PIK3R1: variants seen among roughly 807,000 people sequenced by gnomAD.
PIK3R1 encodes phosphoinositide-3-kinase regulatory subunit 1, also known as phosphatidylinositol 3-kinase regulatory subunit alpha.
PIK3R1 carries 29 observed loss-of-function variants against 98.0 expected under a neutral mutation model. The ratio of observed to expected loss-of-function variants is 0.30; its 90% CI spans 0.22 to 0.40. PIK3R1 has a LOEUF of 0.40. Ranked by LOEUF, PIK3R1 falls within the 10% of genes least tolerant of loss-of-function variation. The probability of loss-of-function intolerance (pLI) is 1.00; values close to 1 mark genes in which losing one functional copy is unlikely to be tolerated. For synonymous variants in PIK3R1, 282 were observed against 311.8 expected (o/e 0.90, Z 1.01); for missense variants, 596 against 872.7 (o/e 0.68, Z 3.99).
chr5:68,221,488 G>A (rs1431073618), intron 1 of PIK3R1, among the ~76,000 whole-genome samples: 6 of 152,164 alleles, frequency 3.9e-5, no homozygotes, highest in Admixed American at 1.3e-4. Flanking sequence ...GACCCATTTC[G>A]TGCTGCCATC....
At chr5:68,250,655 T>G (rs1339506947) in intron 2 of PIK3R1, among the ~76,000 whole-genome samples, 2 of 152,162 alleles carry the variant, frequency 1.3e-5, no homozygotes, top group Non-Finnish European at 2.9e-5. Flanking sequence ...TTTATAAAGC[T>G]TTTTTGGGGA....
Position 68,262,899 on chromosome 5 carries a change from A to G in PIK3R1, c.335-10491A>G, listed in dbSNP as rs868083726. Among the ~76,000 whole-genome samples, 50 of 110,320 alleles carry G rather than the reference A, an allele frequency of 4.5e-4. 1 individual carries two copies. The East Asian group carries it at 8.6e-3, about 19-fold the overall frequency. The allele number at this position is 110,320 out of a possible 152,430, so 72.4% of individuals were successfully genotyped here. A position where few individuals can be genotyped will look rare whatever the true frequency, so the allele number is the denominator to read the frequency against. Reference sequence around the variant, plus strand: ...GATACATGTAGATACATGTATACATATATACATGTAGATACATGTAGATAC... The same window carrying G: ...GATACATGTAGATACATGTATACATGTATACATGTAGATACATGTAGATAC... On this transcript the variant is annotated intron_variant, in intron 2 of 15. Transcript: ENST00000521381.
chr5:68,292,672 C>CT, intron 8 of PIK3R1: 1 of 1,299,584 alleles, frequency 7.7e-7, no homozygotes, highest in Non-Finnish European at 9.8e-7. Context: ...GAATTCTTGC[C>CT]TTAAACACAA....
chr5:68,274,659 G>T (rs1357935058), intron 4 of PIK3R1, among the ~76,000 whole-genome samples: 1 of 152,204 alleles, frequency 6.6e-6, no homozygotes, highest in Non-Finnish European at 1.5e-5. Flanking sequence ...TAACCAACAT[G>T]ATGTCACTGG....
chr5:68,254,811 A>G (rs906313989), intron 2 of PIK3R1, among the ~76,000 whole-genome samples: 1 of 149,480 alleles, frequency 6.7e-6, no homozygotes, highest in Non-Finnish European at 1.5e-5. Flanking sequence ...AGTAGATTGC[A>G]TCAGTACAGT....
rs1236836301 is a variant in PIK3R1, at chr5:68,293,499, T to C, written c.1299+16T>C. On this transcript the variant is annotated intron_variant, in intron 10 of 15. Coordinates refer to ENST00000521381, the MANE Select transcript of PIK3R1 (RefSeq NM_181523.3). Reference sequence around the variant, plus strand: ...ATACCAACAGGTAATAAAAACTGAATGAATTATCCAGTTACGATGTTTAGA... The same window carrying C: ...ATACCAACAGGTAATAAAAACTGAACGAATTATCCAGTTACGATGTTTAGA... 6.4e-7 allele frequency: 1 copy of C among 1,573,092 alleles called. No homozygotes were observed. The highest frequency in any genetic ancestry group is 1.4e-5 in the African/African-American group (1 of 73,854).
chr5:68,297,271 C>T (rs532847102), intron 15 of PIK3R1, 141 bp from the exon 16 acceptor site: 1 of 637,744 alleles, frequency 1.6e-6, no homozygotes, highest in Non-Finnish European at 2.7e-6. Context: ...ACCCAAGGCA[C>T]TCGGCCAGGT....
Position 68,226,639 on chromosome 5 carries a change from C to A in PIK3R1, c.-37C>A. On this transcript the variant is annotated 5_prime_UTR_variant, in exon 2 of 16. Transcript: ENST00000521381. ...CGTAAAATCAGACTGCTCTGTACAA[C>A]CAGGCTCAACTGTTGCATGGTAGCA... 6.5e-7 allele frequency: 1 copy of A among 1,540,980 alleles called. No homozygotes were observed. The highest frequency in any genetic ancestry group is 8.9e-7 in the Non-Finnish European group (1 of 1,117,812).
At chr5:68,264,052 A>G (rs902982062) in intron 2 of PIK3R1, among the ~76,000 whole-genome samples, 2 of 152,214 alleles carry the variant, frequency 1.3e-5, no homozygotes, top group Admixed American at 6.5e-5. Flanking sequence ...GCTAAAAGTG[A>G]TAAGTTAGCC....
Position 68,295,500 on chromosome 5 carries a change from C to G in PIK3R1, c.1814+12C>G, listed in dbSNP as rs1747664039. The stretch of plus-strand genomic sequence containing the variant: ...GAAAACACTGAAGAGTAAGTAGTTA[C>G]TAAAGATGGTGATAGCAGAAGATTT... On this transcript the variant is annotated intron_variant, in intron 14 of 15. Coordinates refer to ENST00000521381, the MANE Select transcript of PIK3R1 (RefSeq NM_181523.3). 2 of 1,609,162 alleles carry G rather than the reference C, an allele frequency of 1.2e-6. No homozygotes were observed. The highest frequency in any genetic ancestry group is 2.7e-5 in the African/African-American group (2 of 74,922).
chr5:68,283,526 T>A (rs571434181), intron 7 of PIK3R1, among the ~76,000 whole-genome samples: 2 of 152,162 alleles, frequency 1.3e-5, no homozygotes, highest in Non-Finnish European at 2.9e-5. Context: ...ACAATTTGAA[T>A]AGGCAAAGGA....
intron 1 of PIK3R1, among the ~76,000 whole-genome samples, chr5:68,223,990 A>G (rs1388558873): frequency 6.6e-6 from 1 of 152,196 alleles, no homozygotes; most frequent in Non-Finnish European, 1.5e-5. Flanking sequence ...GGTGGCTGGA[A>G]TAAAGGAAGT....
intron 11 of PIK3R1, among the ~76,000 whole-genome samples, 190 bp from the exon 12 acceptor site, chr5:68,294,346 C>G (rs1020009031): frequency 6.6e-6 from 1 of 152,150 alleles, no homozygotes; most frequent in Admixed American, 6.5e-5. Context: ...GAAATTGCTA[C>G]GCAATCATTT....
chr5:68,286,440 G>T (rs1254282111), intron 7 of PIK3R1, among the ~76,000 whole-genome samples: 1 of 152,168 alleles, frequency 6.6e-6, no homozygotes, highest in African/African-American at 2.4e-5. Flanking sequence ...TTGGACATAC[G>T]AAATATACAG....
chr5:68,292,972 C>T (rs1242839948), intron 8 of PIK3R1, 129 bp from the exon 9 acceptor site: 1 of 723,276 alleles, frequency 1.4e-6, no homozygotes, highest in Non-Finnish European at 2.3e-6. Flanking sequence ...GGAATATGGG[C>T]ACTCACTGTA....
intron 7 of PIK3R1, chr5:68,291,032 T>C (rs1347340454): frequency 2.1e-6 from 1 of 468,372 alleles, no homozygotes. Flanking sequence ...CTGTGTGTGG[T>C]AAATGCTTAT....
chr5:68,293,876 A>G (rs773097014), intron 11 of PIK3R1, 42 bp downstream of exon 11: 49 of 1,465,504 alleles, frequency 3.3e-5, no homozygotes, highest in Non-Finnish European at 4.2e-5. Flanking sequence ...TAAGAGTTCT[A>G]AACTTTTAAA....
rs1747817998 is a variant in PIK3R1 at position 68,297,842 on chromosome 5, G to GT, written c.*241_*242insT. 1 of 348,018 alleles carries GT rather than the reference G, an allele frequency of 2.9e-6. No individual in the cohort carries two copies. The highest frequency in any genetic ancestry group is 1.1e-4 in the South Asian group (1 of 9,338). The allele number at this position is 348,018 out of a possible 1,614,324, so 21.6% of individuals were successfully genotyped here. A position where few individuals can be genotyped will look rare whatever the true frequency, so the allele number is the denominator to read the frequency against. On this transcript the variant is annotated 3_prime_UTR_variant, in exon 16 of 16. Transcript: ENST00000521381. ...ATCCCTTCTTTTTCTTTTTTTCTTT[G>GT]GTTTAATTTAAAGCCACAACCACAT... is the stretch of plus-strand genomic sequence containing the variant.
At chr5:68,220,690 C>A (rs374150102) in intron 1 of PIK3R1, among the ~76,000 whole-genome samples, 4 of 152,140 alleles carry the variant, frequency 2.6e-5, no homozygotes, top group African/African-American at 9.7e-5. Context: ...GCCTATACAG[C>A]CTGTTTACCC....
Sources: allele counts gnomAD v4.1 joint callset (sites outside exome capture counted in the v4.1 genomes callset), GRCh38; gene constraint gnomAD v4.1.1; transcripts MANE v1.5; gene names NCBI Gene and HGNC (gene_info 2026-07-23, HGNC 2026-07-21).